The following NELL2 variants were observed in gnomAD, a reference collection of about 807,000 sequenced individuals.
The protein encoded by NELL2 is neural EGFL like 2.
A neutral mutation model predicts 109.6 loss-of-function variants in NELL2; 41 were observed. That is an observed-to-expected ratio of 0.37 (90% CI 0.29 to 0.49). NELL2 has a LOEUF of 0.49. NELL2 is among the 20% of genes least tolerant of loss of function. The pLI is 0.98. For missense variants in NELL2, 900 were observed against 1,008.3 expected, an observed-to-expected ratio of 0.89 and a Z score of 1.45; for synonymous variants, 355 against 344.7, an observed-to-expected ratio of 1.03 and a Z score of -0.33.
At chr12:44,791,958 C>CAAAA (rs35671413) in intron 3 of NELL2, among the ~76,000 whole-genome samples, 8 of 145,476 alleles carry the variant, frequency 5.5e-5, no homozygotes, top group African/African-American at 2.0e-4. Flanking sequence ...TTATTACAGA[C>CAAAA]AAAAAAAAAA....
At chr12:44,537,269 A>C (rs1325529222) in intron 15 of NELL2, among the ~76,000 whole-genome samples, 1 of 152,152 alleles carries the variant, frequency 6.6e-6, no homozygotes, top group Non-Finnish European at 1.5e-5. Flanking sequence ...GAGACACTTG[A>C]GTGATAAACA....
At chr12:44,542,165 T>C (rs1176437501) in intron 15 of NELL2, among the ~76,000 whole-genome samples, 1 of 152,186 alleles carries the variant, frequency 6.6e-6, no homozygotes, top group African/African-American at 2.4e-5. Flanking sequence ...AAGGACTAAA[T>C]TGAGACAGAG....
intron 19 of NELL2, among the ~76,000 whole-genome samples, chr12:44,510,672 A>G (rs1422025578): frequency 1.3e-5 from 2 of 152,196 alleles, no homozygotes; most frequent in African/African-American, 4.8e-5. Flanking sequence ...TGGCAGTGAC[A>G]GACTCAACCA....
At chr12:44,824,553 G>A (rs944518129) in intron 2 of NELL2, among the ~76,000 whole-genome samples, 2 of 151,896 alleles carry the variant, frequency 1.3e-5, no homozygotes, top group African/African-American at 2.4e-5. Flanking sequence ...AAAATCAATC[G>A]ACTAGAAATG....
chr12:44,643,416 C>T (rs1946933045), intron 13 of NELL2, among the ~76,000 whole-genome samples: 1 of 151,598 alleles, frequency 6.6e-6, no homozygotes, highest in Non-Finnish European at 1.5e-5. Context: ...ATGTAATTTA[C>T]AAAGGTACGT....
Position 44,525,032 on chromosome 12 carries a change from A to G in NELL2, c.1805-1548T>C, listed in dbSNP as rs142313640. ...CATATTTCTAGAATTAAGAATTATA[A>G]TAAGCCAGAAAAACATAAACAAACC... On this transcript the variant is annotated intron_variant, in intron 16 of 19. Coordinates refer to ENST00000429094, the MANE Select transcript of NELL2 (RefSeq NM_001145108.2). Among the ~76,000 whole-genome samples the G allele has an allele frequency of 5.4e-3, 823 of 152,332 alleles. 6 individuals are homozygous for G. Among genetic ancestry groups the G allele is most frequent in the Non-Finnish European group, 9.2e-3 (623 of 68,026 alleles).
rs67322195 is a variant in NELL2, at chr12:44,587,307, ATTTTT to A, written c.1663+19857_1663+19861del. ...AAAATATATATATATATATATATATATTTTTTTTTAAATATGAAGTTATATACACA... is the reference window on the plus strand; with the variant it reads ...AAAATATATATATATATATATATATATTTTAAATATGAAGTTATATACACA... On this transcript the variant is annotated intron_variant, in intron 15 of 19. Coordinates refer to ENST00000429094, the MANE Select transcript of NELL2 (RefSeq NM_001145108.2). Among the ~76,000 whole-genome samples, 271 of 96,546 alleles carry A rather than the reference ATTTTT, an allele frequency of 2.8e-3. 2 individuals are homozygous for A. The highest frequency in any genetic ancestry group is 0.011 in the African/African-American group (256 of 23,904). 63.3% of individuals were successfully genotyped at this position (96,546 alleles called of 152,430 possible). A position where few individuals can be genotyped will look rare whatever the true frequency, so the allele number is the denominator to read the frequency against.
intron 15 of NELL2, among the ~76,000 whole-genome samples, chr12:44,606,660 A>C (rs1163344007): frequency 2.0e-5 from 3 of 152,134 alleles, no homozygotes; most frequent in African/African-American, 7.2e-5. Flanking sequence ...GTAAGTTCAG[A>C]ATGGATCTGA....
intron 12 of NELL2, among the ~76,000 whole-genome samples, chr12:44,703,130 C>G (rs943313032): frequency 6.6e-6 from 1 of 152,178 alleles, no homozygotes; most frequent in African/African-American, 2.4e-5. Context: ...CAGGAAGAGT[C>G]AAAGCCAGAG....
intron 2 of NELL2, among the ~76,000 whole-genome samples, chr12:44,869,297 G>C (rs1041870762): frequency 6.6e-6 from 1 of 152,174 alleles, no homozygotes; most frequent in Non-Finnish European, 1.5e-5. Context: ...TTGGTTTCAA[G>C]GTCTAGAAAT....
At chr12:44,548,164 T>G (rs1436579712) in intron 15 of NELL2, among the ~76,000 whole-genome samples, 1 of 152,184 alleles carries the variant, frequency 6.6e-6, no homozygotes, top group African/African-American at 2.4e-5. Flanking sequence ...CAAATAGGAC[T>G]GGGATGCACG....
At chr12:44,681,779 G>C (rs1345969142) in intron 12 of NELL2, among the ~76,000 whole-genome samples, 1 of 152,068 alleles carries the variant, frequency 6.6e-6, no homozygotes, top group Non-Finnish European at 1.5e-5. Context: ...GGTATTCCAT[G>C]GTGTATATGT....
intron 1 of NELL2, among the ~76,000 whole-genome samples, chr12:44,886,533 A>G (rs1479875661): frequency 1.3e-5 from 2 of 152,018 alleles, no homozygotes; most frequent in African/African-American, 4.8e-5. Context: ...TTTAAAATTA[A>G]TACATAATAG....
chr12:44,891,636 G>A (rs962018010), intron 1 of NELL2, among the ~76,000 whole-genome samples: 2 of 151,472 alleles, frequency 1.3e-5, no homozygotes. Context: ...TTTTCCTCCT[G>A]TGGGTCATGA....
intron 16 of NELL2, among the ~76,000 whole-genome samples, chr12:44,532,177 T>C (rs1391735180): frequency 6.6e-6 from 1 of 152,176 alleles, no homozygotes; most frequent in Non-Finnish European, 1.5e-5. Context: ...ATTGTGTATG[T>C]CATCCTTGGC....
intron 15 of NELL2, among the ~76,000 whole-genome samples, chr12:44,556,855 A>G (rs143228001): frequency 4.6e-5 from 7 of 152,328 alleles, no homozygotes; most frequent in Non-Finnish European, 1.0e-4. Context: ...GATGACGACA[A>G]TGATGGAAGA....
intron 2 of NELL2, among the ~76,000 whole-genome samples, chr12:44,858,341 T>G (rs146113358): frequency 1.3e-5 from 2 of 152,316 alleles, no homozygotes; most frequent in East Asian, 3.9e-4. Context: ...ATGTGACCTT[T>G]CAGAGCAGTG....
chr12:44,723,229 C>T (rs531208896), intron 9 of NELL2, among the ~76,000 whole-genome samples: 173 of 151,536 alleles, frequency 1.1e-3, no homozygotes, highest in African/African-American at 4.0e-3. Flanking sequence ...GCATGCTAGA[C>T]GAGTTAAAAA....
At chr12:44,655,126 A>T (rs532531752) in intron 13 of NELL2, among the ~76,000 whole-genome samples, 65 of 152,164 alleles carry the variant, frequency 4.3e-4, no homozygotes, top group Non-Finnish European at 1.9e-4. Context: ...AACAACTAAT[A>T]CATCCACCTG....
Sources: gnomAD v4.1 joint callset for allele counts (sites outside exome capture counted in the v4.1 genomes callset) on GRCh38, gnomAD v4.1.1 for gene constraint, MANE v1.5 for transcripts, NCBI Gene and HGNC (gene_info 2026-07-23, HGNC 2026-07-21) for gene names.